ZSCAN4: variants seen among roughly 807,000 people sequenced by gnomAD.
ZSCAN4 encodes zinc finger and SCAN domain containing 4.
In ZSCAN4, 18 loss-of-function variants were observed where a neutral mutation model predicts 18.3. The ratio of observed to expected loss-of-function variants is 0.98; its 90% CI spans 0.68 to 1.46. The LOEUF is 1.46. Ranked by LOEUF, ZSCAN4 falls within the 40% of genes most tolerant of loss-of-function variation. The probability of loss-of-function intolerance (pLI) is 0.00; values close to 1 mark genes in which losing one functional copy is unlikely to be tolerated. For missense variants in ZSCAN4, 498 were observed against 511.4 expected (o/e 0.97, Z 0.25); for synonymous variants, 193 against 180.3 (o/e 1.07, Z -0.57).
At chr19:57,667,891 GTTT>G (rs56233985), upstream of ZSCAN4, among the ~76,000 whole-genome samples, 76,196 of 150,000 alleles carry the variant, frequency 0.51, 19,688 homozygotes, top group Middle Eastern at 0.58. Flanking sequence ...TTTTTTGTTT[GTTT>G]TTTGTTTGTT....
chr19:57,664,240 G>A (rs959266322), upstream of ZSCAN4: 1 of 152,120 alleles, frequency 6.6e-6, no homozygotes, highest in African/African-American at 2.4e-5. Context: ...TTCCTGGGCA[G>A]ATGAAAGTGA....
chr19:57,656,120 C>A, the ZSCAN4 span, among the ~76,000 whole-genome samples: 1 of 152,260 alleles, frequency 6.6e-6, no homozygotes, highest in African/African-American at 2.4e-5. Context: ...TAGTAAATGG[C>A]AAACTGATAC....
the ZSCAN4 span, among the ~76,000 whole-genome samples, chr19:57,657,292 T>TAA: frequency 7.4e-6 from 1 of 135,776 alleles, no homozygotes; most frequent in Non-Finnish European, 1.6e-5. Context: ...AGACTCCATG[T>TAA]CAAAAAAAAA....
chr19:57,662,359 G>A, the ZSCAN4 span, among the ~76,000 whole-genome samples: 1 of 151,732 alleles, frequency 6.6e-6, no homozygotes, highest in African/African-American at 2.4e-5. Context: ...ATTAACAATA[G>A]TAAAGTGATT....
intron 3 of ZSCAN4, among the ~76,000 whole-genome samples, chr19:57,677,671 G>A (rs1300555378): frequency 2.0e-5 from 3 of 152,178 alleles, no homozygotes; most frequent in African/African-American, 4.8e-5. Context: ...GAAGCTCACA[G>A]GAAACTAACC....
chr19:57,658,833 C>CAAA, the ZSCAN4 span, among the ~76,000 whole-genome samples: 31 of 68,530 alleles, frequency 4.5e-4, no homozygotes, highest in African/African-American at 8.6e-4. Context: ...GACTGTGTCT[C>CAAA]AAAAAAAAAA....
At chr19:57,669,647 G>A (rs898143073) in intron 1 of ZSCAN4, among the ~76,000 whole-genome samples, 2 of 149,568 alleles carry the variant, frequency 1.3e-5, no homozygotes, top group East Asian at 2.0e-4. Flanking sequence ...GGCTGGTCTC[G>A]AACTCTTGAC....
At chr19:57,665,806 G>A (rs920505855), upstream of ZSCAN4, among the ~76,000 whole-genome samples, 2 of 152,086 alleles carry the variant, frequency 1.3e-5, no homozygotes, top group Non-Finnish European at 2.9e-5. Context: ...CAGCTACTCC[G>A]GAGGCTGAGG....
intron 1 of ZSCAN4, among the ~76,000 whole-genome samples, chr19:57,669,690 G>C (rs934588665): frequency 6.6e-6 from 1 of 151,376 alleles, no homozygotes; most frequent in Non-Finnish European, 1.5e-5. Flanking sequence ...CTCCAAAAGT[G>C]CTGGGATTAC....
chr19:57,671,484 T>G, intron 2 of ZSCAN4, among the ~76,000 whole-genome samples: 7 of 127,194 alleles, frequency 5.5e-5, no homozygotes, highest in African/African-American at 8.8e-5. Flanking sequence ...GGGGAAGCCA[T>G]GGGTTCCACA....
At chr19:57,678,666 C>T in exon 5 of ZSCAN4, 1 of 1,614,100 alleles carries the variant, frequency 6.2e-7, no homozygotes, top group Non-Finnish European at 8.5e-7. Flanking sequence ...GATATCAGAC[C>T]TACGGGTGCA....
At chr19:57,657,991 T>G in the ZSCAN4 span, among the ~76,000 whole-genome samples, 1 of 152,118 alleles carries the variant, frequency 6.6e-6, no homozygotes. Context: ...AAATATTCAA[T>G]TTGCAGTGGG....
chr19:57,663,436 A>G, the ZSCAN4 span, among the ~76,000 whole-genome samples: 1 of 144,472 alleles, frequency 6.9e-6, no homozygotes, highest in Non-Finnish European at 1.5e-5. Context: ...CTGTAATCCC[A>G]GCACTTTGGG....
the ZSCAN4 span, among the ~76,000 whole-genome samples, chr19:57,655,086 C>T: frequency 1.3e-5 from 2 of 152,166 alleles, no homozygotes; most frequent in Non-Finnish European, 2.9e-5. Flanking sequence ...GGTTACCTAC[C>T]TTGGACTTAT....
the ZSCAN4 span, among the ~76,000 whole-genome samples, chr19:57,655,146 C>T: frequency 4.6e-5 from 7 of 152,264 alleles, no homozygotes; most frequent in Middle Eastern, 3.4e-3. Context: ...GAAGCTAATC[C>T]GGGATATGCC....
At chr19:57,676,662 A>C in intron 3 of ZSCAN4, 121 bp downstream of exon 3, 1 of 1,102,278 alleles carries the variant, frequency 9.1e-7, no homozygotes, top group Non-Finnish European at 1.3e-6. Context: ...TAGTCAGCTC[A>C]CACTCTCCCA....
the ZSCAN4 span, among the ~76,000 whole-genome samples, chr19:57,654,536 C>T: frequency 1.3e-5 from 2 of 152,174 alleles, no homozygotes; most frequent in African/African-American, 4.8e-5. Context: ...GAAATTCCTG[C>T]AAGCCCAAAT....
chr19:57,665,432 A>T (rs1983827753), upstream of ZSCAN4, among the ~76,000 whole-genome samples: 1 of 152,102 alleles, frequency 6.6e-6, no homozygotes. Context: ...TGGTATCTCC[A>T]GTGTCTGCAG....
intron 2 of ZSCAN4, among the ~76,000 whole-genome samples, chr19:57,673,889 G>A (rs964505076): frequency 6.6e-6 from 1 of 152,040 alleles, no homozygotes; most frequent in South Asian, 2.1e-4. Flanking sequence ...GAGTAGCTGC[G>A]ATTACAGGCA....
Sources: allele counts gnomAD v4.1 joint callset (sites outside exome capture counted in the v4.1 genomes callset), GRCh38; gene constraint gnomAD v4.1.1; transcripts MANE v1.5; gene names NCBI Gene and HGNC (gene_info 2026-07-23, HGNC 2026-07-21).